RASAL2: variants seen among roughly 807,000 people sequenced by gnomAD.
RASAL2 encodes the protein ras GTPase-activating protein nGAP.
RASAL2 carries 58 observed loss-of-function variants against 128.9 expected under a neutral mutation model. The observed-to-expected ratio is 0.45, with a 90% CI of 0.36 to 0.56. The LOEUF is 0.56. Among genes scored for constraint, RASAL2 ranks in the 20% least tolerant of loss-of-function variants. The pLI, the probability that RASAL2 is intolerant of heterozygous loss-of-function variation, is 0.00. For missense variants in RASAL2, 1,360 were observed against 1,601.6 expected, an observed-to-expected ratio of 0.85 and a Z score of 2.57; for synonymous variants, 561 against 580.8, an observed-to-expected ratio of 0.97 and a Z score of 0.49.
rs769464413 is a variant in RASAL2 at position 178,390,204 on chromosome 1, C to T, written c.562C>T (p.Pro188Ser). 1 of 1,595,294 alleles carries T rather than the reference C, an allele frequency of 6.3e-7. No individual in the cohort carries two copies. Among genetic ancestry groups the T allele is most frequent in the East Asian group, 2.2e-5 (1 of 44,606 alleles). The change falls in exon 4 of 18, where the codon CCA becomes TCA. Residue 188 changes from proline to serine, a missense_variant and splice_region_variant. This residue lies in a region of RASAL2 where 617 missense variants were observed against 714.2 expected (regional missense o/e 0.86). Coordinates refer to ENST00000367649, the MANE Select transcript of RASAL2 (RefSeq NM_170692.4). Reference protein sequence around the residue: ...DTANTSPFKVPGFFSKRLKGS... With the variant: ...DTANTSPFKVSGFFSKRLKGS... Reference sequence around the variant, plus strand: ...TGCAAATACCTCACCCTTCAAAGTACCAGTAAGTGTTTATCTTCTTTATAA... The same window carrying T: ...TGCAAATACCTCACCCTTCAAAGTATCAGTAAGTGTTTATCTTCTTTATAA...
At chr1:178,344,501 G>A (rs951117512) in intron 3 of RASAL2, among the ~76,000 whole-genome samples, 1 of 152,180 alleles carries the variant, frequency 6.6e-6, no homozygotes, top group African/African-American at 2.4e-5. Flanking sequence ...GACTCCAAGA[G>A]TCCTTTTATG....
chr1:178,094,779 C>T (rs1182490534), intron 1 of RASAL2, 85 bp downstream of exon 1: 3 of 1,509,820 alleles, frequency 2.0e-6, no homozygotes, highest in African/African-American at 2.8e-5. Flanking sequence ...AGGCTCATTC[C>T]CAGTCCTCAT....
intron 1 of RASAL2, among the ~76,000 whole-genome samples, chr1:178,283,001 T>C (rs1217017607): frequency 6.6e-6 from 1 of 152,206 alleles, no homozygotes; most frequent in Non-Finnish European, 1.5e-5. Context: ...CATGGTAATA[T>C]ATTTAGATAT....
Position 178,094,462 on chromosome 1 carries a change from C to T in RASAL2, c.-31C>T. 2 of 1,517,078 alleles carry T rather than the reference C, an allele frequency of 1.3e-6. No individual in the cohort carries two copies. The highest frequency in any genetic ancestry group is 1.8e-6 in the Non-Finnish European group (2 of 1,133,792). 94.0% of individuals were successfully genotyped at this position (1,517,078 alleles called of 1,614,324 possible). On this transcript the variant is annotated 5_prime_UTR_variant, in exon 1 of 18. Coordinates refer to ENST00000367649, the MANE Select transcript of RASAL2 (RefSeq NM_170692.4). ...CGCGCGCCAGCCCGCCCCGAAGCCG[C>T]CGCCTCGTCCCCCTCCCGCCTCGGG... is the stretch of plus-strand genomic sequence containing the variant.
intron 2 of RASAL2, among the ~76,000 whole-genome samples, chr1:178,292,465 G>A (rs1571794911): frequency 6.6e-6 from 1 of 152,236 alleles, no homozygotes; most frequent in Non-Finnish European, 1.5e-5. Flanking sequence ...GTAGATTGGG[G>A]CAGAATGCTG....
chr1:178,403,049 AT>A (rs1272458900), intron 4 of RASAL2, among the ~76,000 whole-genome samples: 1 of 152,108 alleles, frequency 6.6e-6, no homozygotes, highest in Non-Finnish European at 1.5e-5. Context: ...GTGAACTTGA[AT>A]GAGATTAGCA....
chr1:178,465,788 A>T, intron 15 of RASAL2, 132 bp from the exon 16 acceptor site: 1 of 785,744 alleles, frequency 1.3e-6, no homozygotes, highest in Non-Finnish European at 2.0e-6. Flanking sequence ...TACACTGCTT[A>T]GGGTTTCTTT....
chr1:178,152,090 C>A (rs1276163929), intron 1 of RASAL2, among the ~76,000 whole-genome samples: 1 of 152,118 alleles, frequency 6.6e-6, no homozygotes, highest in Non-Finnish European at 1.5e-5. Flanking sequence ...ACTGAATTGC[C>A]TCAGGATATG....
intron 3 of RASAL2, among the ~76,000 whole-genome samples, chr1:178,331,397 C>T (rs1021187964): frequency 2.6e-5 from 4 of 151,948 alleles, no homozygotes; most frequent in Admixed American, 1.3e-4. Context: ...ATCCCTATGC[C>T]CTTATAAAAA....
intron 3 of RASAL2, among the ~76,000 whole-genome samples, chr1:178,354,288 T>A (rs1468448725): frequency 6.6e-6 from 1 of 152,198 alleles, no homozygotes; most frequent in Non-Finnish European, 1.5e-5. Flanking sequence ...AAATGACATT[T>A]AATAAAATTT....
intron 1 of RASAL2, among the ~76,000 whole-genome samples, chr1:178,112,420 T>G (rs1659360874): frequency 6.6e-6 from 1 of 151,788 alleles, no homozygotes; most frequent in Admixed American, 6.6e-5. Flanking sequence ...CGTGGTGGTG[T>G]GTGCCTGTAA....
Position 178,439,410 on chromosome 1 carries a change from T to C in RASAL2, c.675-12T>C, listed in dbSNP as rs1383331335. 1 of 1,596,660 alleles carries C rather than the reference T, an allele frequency of 6.3e-7. No individual in the cohort carries two copies. Among genetic ancestry groups the C allele is most frequent in the South Asian group, 1.1e-5 (1 of 88,412 alleles). On this transcript the variant is annotated splice_polypyrimidine_tract_variant and intron_variant, in intron 5 of 17. Coordinates refer to ENST00000367649, the MANE Select transcript of RASAL2 (RefSeq NM_170692.4). Reference sequence around the variant, plus strand: ...AAGTTACACTACCTTAAATATCTTTTTCTACTTTTAGGTCTCGTGGGCTGC... The same window carrying C: ...AAGTTACACTACCTTAAATATCTTTCTCTACTTTTAGGTCTCGTGGGCTGC...
chr1:178,283,750 A>G, intron 2 of RASAL2, 59 bp downstream of exon 2: 1 of 1,588,630 alleles, frequency 6.3e-7, no homozygotes, highest in African/African-American at 1.4e-5. Flanking sequence ...TCCTGAAATT[A>G]CCTAGTTTTT....
At chr1:178,302,530 T>G (rs1667812246) in intron 3 of RASAL2, among the ~76,000 whole-genome samples, 1 of 152,138 alleles carries the variant, frequency 6.6e-6, no homozygotes. Context: ...CTAAATACCA[T>G]GATGATGGTT....
chr1:178,428,616 G>A (rs1212402977), intron 5 of RASAL2, among the ~76,000 whole-genome samples: 1 of 151,614 alleles, frequency 6.6e-6, no homozygotes, highest in Non-Finnish European at 1.5e-5. Context: ...AAGAGACAAG[G>A]TCTTGCTCTG....
intron 1 of RASAL2, among the ~76,000 whole-genome samples, chr1:178,148,464 T>TTTA (rs1558081085): frequency 8.9e-4 from 131 of 146,666 alleles, no homozygotes; most frequent in African/African-American, 3.5e-3. Flanking sequence ...TTATTTATTT[T>TTTA]TTGAGATAGG....
intron 3 of RASAL2, among the ~76,000 whole-genome samples, chr1:178,310,704 A>C (rs971716413): frequency 6.6e-6 from 1 of 152,082 alleles, no homozygotes; most frequent in Admixed American, 6.6e-5. Context: ...AGCACAGTGG[A>C]GATTTGTTTA....
chr1:178,293,009 T>C (rs1034844948), intron 2 of RASAL2, among the ~76,000 whole-genome samples: 1 of 152,214 alleles, frequency 6.6e-6, no homozygotes, highest in Non-Finnish European at 1.5e-5. Flanking sequence ...TCAGTCTTTG[T>C]GCAAATAGCT....
At position 178,445,641 on chromosome 1, in the gene RASAL2, C is replaced by T; in HGVS notation, c.1606C>T (p.Gln536Ter). ...GGAATACCTCAAGTTGGTGGGACAA[C>T]AGTATCTTCATGACGCACTGGGTAT... ...IEEYLKLVGQ[Q>*]YLHDALGEFI... The change falls in exon 9 of 18, where the codon CAG becomes TAG. Residue 536 changes from glutamine to a stop codon, truncating the protein, a stop_gained. Transcript: ENST00000367649. LOFTEE classifies it high-confidence loss of function. 1 of 1,613,160 alleles carries T rather than the reference C, an allele frequency of 6.2e-7. No individual in the cohort carries two copies. The highest frequency in any genetic ancestry group is 8.5e-7 in the Non-Finnish European group (1 of 1,179,552).
Sources: gnomAD v4.1 joint callset for allele counts (sites outside exome capture counted in the v4.1 genomes callset) on GRCh38, gnomAD v4.1.1 for gene constraint, gnomAD v4.1.1 regional missense constraint, MANE v1.5 for transcripts, NCBI Gene and HGNC (gene_info 2026-07-23, HGNC 2026-07-21) for gene names.